HMGA2: variants seen among roughly 807,000 people sequenced by gnomAD.
The protein encoded by HMGA2 is high mobility group protein HMGI-C.
A neutral mutation model predicts 19.1 loss-of-function variants in HMGA2; 8 were observed. The observed-to-expected ratio is 0.42, with a 90% confidence interval of 0.25 to 0.76. HMGA2 has a LOEUF of 0.76. HMGA2 is among the 30% of genes least tolerant of loss of function. The pLI is 0.28. For missense variants in HMGA2, 109 were observed against 136.3 expected, an observed-to-expected ratio of 0.80 and a Z score of 1.00; for synonymous variants, 60 against 48.8, an observed-to-expected ratio of 1.23 and a Z score of -0.96.
chr12:65,937,555 A>T (rs543346761), intron 3 of HMGA2, among the ~76,000 whole-genome samples: 1 of 152,332 alleles, frequency 6.6e-6, no homozygotes, highest in East Asian at 1.9e-4. Context: ...GACATGACCA[A>T]TGAGTTACAG....
chr12:65,918,272 A>G (rs1339671530), intron 3 of HMGA2, among the ~76,000 whole-genome samples: 1 of 152,208 alleles, frequency 6.6e-6, no homozygotes, highest in Non-Finnish European at 1.5e-5. Context: ...CAGCATTTGC[A>G]GAAGAATTAA....
At chr12:65,866,652 C>G (rs917473625) in intron 3 of HMGA2, among the ~76,000 whole-genome samples, 8 of 152,276 alleles carry the variant, frequency 5.3e-5, no homozygotes, top group Non-Finnish European at 1.2e-4. Context: ...ATGTAACTAC[C>G]TATAAGCTTC....
chr12:65,906,122 T>C (rs1256241816), intron 3 of HMGA2, among the ~76,000 whole-genome samples: 1 of 152,240 alleles, frequency 6.6e-6, no homozygotes, highest in African/African-American at 2.4e-5. Flanking sequence ...GTTAATTTAA[T>C]TTGACAGAGT....
At chr12:65,890,940 A>G (rs1179565542) in intron 3 of HMGA2, among the ~76,000 whole-genome samples, 1 of 152,084 alleles carries the variant, frequency 6.6e-6, no homozygotes, top group Non-Finnish European at 1.5e-5. Context: ...CATGTTGGCC[A>G]GGCTGATCTC....
intron 3 of HMGA2, among the ~76,000 whole-genome samples, chr12:65,852,451 T>C (rs1400178985): frequency 6.6e-6 from 1 of 152,050 alleles, no homozygotes; most frequent in Non-Finnish European, 1.5e-5. Context: ...TGCAGTGAGC[T>C]GAGATTGCAC....
intron 3 of HMGA2, among the ~76,000 whole-genome samples, chr12:65,894,278 T>A (rs1006503289): frequency 2.0e-5 from 3 of 152,200 alleles, no homozygotes; most frequent in African/African-American, 7.2e-5. Flanking sequence ...TGTGTGTATG[T>A]GTGTGGTTTA....
chr12:65,902,062 C>A (rs1874394059), intron 3 of HMGA2, among the ~76,000 whole-genome samples: 1 of 152,158 alleles, frequency 6.6e-6, no homozygotes. Flanking sequence ...GACTATGTAG[C>A]AAACTTTGTC....
rs758619509 is a variant in HMGA2, at chr12:65,828,078, A to G, written c.189A>G (p.Ala63=). 9.3e-6 allele frequency: 15 copies of G among 1,612,510 alleles called. No individual in the cohort carries two copies. Among genetic ancestry groups the G allele is most frequent in the Middle Eastern group, 1.6e-4 (1 of 6,084 alleles). The change falls in exon 2 of 5, where the codon GCA becomes GCG. Residue 63 remains alanine (A), a synonymous_variant. Transcript: ENST00000403681. The part of the protein sequence containing the change: ...KGSKNKSPSK[A]AQKKAEATGE... The stretch of plus-strand genomic sequence containing the variant: ...GCAAAAACAAGAGTCCCTCTAAAGC[A>G]GCTCAAAAGGTGAGATTTCTCAAGT...
intron 3 of HMGA2, among the ~76,000 whole-genome samples, chr12:65,873,607 GAT>G (rs1872818085): frequency 6.6e-6 from 1 of 152,128 alleles, no homozygotes; most frequent in South Asian, 2.1e-4. Context: ...TAGAAAGTAA[GAT>G]ATATAAAGCA....
At chr12:65,842,226 T>A in intron 3 of HMGA2, 3 of 665,452 alleles carry the variant, frequency 4.5e-6, no homozygotes, top group Non-Finnish European at 7.2e-6. Flanking sequence ...ACATGACCTT[T>A]AAAGGTCCAG....
intron 3 of HMGA2, among the ~76,000 whole-genome samples, chr12:65,944,702 T>C (rs758589919): frequency 1.4e-4 from 21 of 152,174 alleles, no homozygotes; most frequent in Non-Finnish European, 2.2e-4. Flanking sequence ...TTAAACCATA[T>C]GAAATTGCTG....
intron 4 of HMGA2, chr12:65,956,257 C>T (rs1374440340): frequency 6.6e-6 from 1 of 152,146 alleles, no homozygotes; most frequent in African/African-American, 2.4e-5. Context: ...TCTTGTGGGC[C>T]AGTAAATGTT....
rs1027318793 is a variant in HMGA2, at chr12:65,870,322, A to G, written c.249+31753A>G. ...TTTCGAAATATTTTTGCCAAAATGT[A>G]AATAGTAAAAAACAATATGTGAAGC... On this transcript the variant is annotated intron_variant, in intron 3 of 4. Transcript: ENST00000403681. Among the ~76,000 whole-genome samples the G allele has an allele frequency of 7.2e-5, 11 of 152,128 alleles. No individual in the cohort carries two copies. In the East Asian group the frequency reaches 2.1e-3, roughly 29 times the overall value.
At chr12:65,853,884 A>G (rs761035440) in intron 3 of HMGA2, among the ~76,000 whole-genome samples, 1 of 152,210 alleles carries the variant, frequency 6.6e-6, no homozygotes, top group Non-Finnish European at 1.5e-5. Context: ...GTCCATAGTA[A>G]AAGCTGAGGC....
intron 3 of HMGA2, among the ~76,000 whole-genome samples, chr12:65,920,909 A>G (rs568733345): frequency 1.3e-5 from 2 of 152,358 alleles, no homozygotes; most frequent in Non-Finnish European, 2.9e-5. Context: ...GGCAACAAGC[A>G]GAGATTGGAA....
chr12:65,835,505 G>A (rs1192857426), intron 2 of HMGA2, among the ~76,000 whole-genome samples: 2 of 152,180 alleles, frequency 1.3e-5, no homozygotes, highest in African/African-American at 4.8e-5. Context: ...TGGCCTGAAC[G>A]ACCAAGGAGC....
At chr12:65,879,292 ATT>A (rs549881363) in intron 3 of HMGA2, among the ~76,000 whole-genome samples, 9 of 103,944 alleles carry the variant, frequency 8.7e-5, no homozygotes, top group Admixed American at 9.1e-5. Flanking sequence ...CATACCAGCT[ATT>A]TTTTTTTTTT....
intron 3 of HMGA2, among the ~76,000 whole-genome samples, chr12:65,854,942 A>T (rs1871656401): frequency 6.6e-6 from 1 of 152,154 alleles, no homozygotes; most frequent in African/African-American, 2.4e-5. Context: ...CCCTGGCAAA[A>T]TCATAGGTGG....
intron 3 of HMGA2, among the ~76,000 whole-genome samples, chr12:65,916,170 A>G (rs1377241929): frequency 1.3e-5 from 2 of 152,202 alleles, no homozygotes; most frequent in Admixed American, 1.3e-4. Context: ...GGCTCAACCA[A>G]ATTGGTTCTG....
Sources: gnomAD v4.1 joint callset for allele counts (sites outside exome capture counted in the v4.1 genomes callset) on GRCh38, gnomAD v4.1.1 for gene constraint, MANE v1.5 for transcripts, NCBI Gene and HGNC (gene_info 2026-07-23, HGNC 2026-07-21) for gene names.